Variants in MYT1L observed in about 807,000 individuals in gnomAD.
MYT1L encodes the protein myelin transcription factor 1-like protein.
MYT1L carries 12 observed loss-of-function variants against 126.7 expected under a neutral mutation model. That is an observed-to-expected ratio of 0.09 (90% CI 0.06 to 0.15). The LOEUF (loss-of-function observed/expected upper bound fraction) is 0.15. Ranked by LOEUF, MYT1L falls within the 10% of genes least tolerant of loss-of-function variation. MYT1L has a pLI of 1.00. For missense variants in MYT1L, 979 were observed against 1,585.2 expected, an observed-to-expected ratio of 0.62 and a Z score of 6.49; for synonymous variants, 541 against 604.2, an observed-to-expected ratio of 0.90 and a Z score of 1.53.
At chr2:2,065,474 T>C (rs942268561) in intron 3 of MYT1L, among the ~76,000 whole-genome samples, 1 of 152,150 alleles carries the variant, frequency 6.6e-6, no homozygotes, top group African/African-American at 2.4e-5. Flanking sequence ...TTTGATTAAA[T>C]TGATCAGCTG....
intron 3 of MYT1L, among the ~76,000 whole-genome samples, chr2:2,060,658 C>G (rs2070296873): frequency 6.7e-6 from 1 of 148,724 alleles, no homozygotes; most frequent in Admixed American, 6.7e-5. Flanking sequence ...TGTCTCTCTC[C>G]CTGTCTCCCT....
At chr2:1,934,687 CT>C (rs1194373872) in intron 9 of MYT1L, among the ~76,000 whole-genome samples, 1 of 151,094 alleles carries the variant, frequency 6.6e-6, no homozygotes, top group African/African-American at 2.5e-5. Flanking sequence ...CTCATTCTCT[CT>C]TTCTCTCTCT....
chr2:2,065,445 C>G (rs1191627844), intron 3 of MYT1L, among the ~76,000 whole-genome samples: 1 of 152,108 alleles, frequency 6.6e-6, no homozygotes. Context: ...AGAGGCAGTC[C>G]TTCCCAAAGC....
At chr2:1,937,253 C>T (rs1558462176) in intron 9 of MYT1L, among the ~76,000 whole-genome samples, 6 of 152,210 alleles carry the variant, frequency 3.9e-5, no homozygotes, top group Admixed American at 1.3e-4. Context: ...ATGCCTTGCC[C>T]AGAGCAGCTG....
chr2:2,236,047 T>G (rs1018987429), intron 2 of MYT1L, among the ~76,000 whole-genome samples: 17 of 151,940 alleles, frequency 1.1e-4, no homozygotes, highest in African/African-American at 4.1e-4. Context: ...AACAACCCAG[T>G]ACATCACAAC....
intron 2 of MYT1L, among the ~76,000 whole-genome samples, chr2:2,222,826 A>G (rs1471948079): frequency 6.6e-6 from 1 of 152,224 alleles, no homozygotes; most frequent in African/African-American, 2.4e-5. Context: ...AAGTGGCAAG[A>G]AAAAGTAAAA....
chr2:1,796,246 GACTAAGT>G (rs2033473637), intron 23 of MYT1L, among the ~76,000 whole-genome samples: 2 of 152,184 alleles, frequency 1.3e-5, no homozygotes, highest in Admixed American at 1.3e-4. Context: ...CCCTGGTCTA[GACTAAGT>G]ACCTTGATGG....
At chr2:2,275,591 T>C (rs1417336785) in intron 2 of MYT1L, among the ~76,000 whole-genome samples, 1 of 152,182 alleles carries the variant, frequency 6.6e-6, no homozygotes, top group Non-Finnish European at 1.5e-5. Context: ...TGCTGCATCC[T>C]GCCCTAAGTT....
intron 5 of MYT1L, among the ~76,000 whole-genome samples, chr2:1,986,032 T>A (rs2060991227): frequency 6.6e-6 from 1 of 152,156 alleles, no homozygotes. Context: ...AAAAGCAAGT[T>A]GTCAAAATAT....
chr2:2,026,654 A>C (rs1420635941), intron 4 of MYT1L, among the ~76,000 whole-genome samples: 1 of 152,134 alleles, frequency 6.6e-6, no homozygotes, highest in Non-Finnish European at 1.5e-5. Context: ...TCGCTGCAGG[A>C]GGGCGGGGTG....
rs750861804 is a variant in MYT1L at position 1,839,344 on chromosome 2, T to C, written c.2885A>G (p.Gln962Arg). The change falls in exon 21 of 25, where the codon CAG becomes CGG. Residue 962 changes from glutamine to arginine, a missense_variant. Coordinates refer to ENST00000647738, the MANE Select transcript of MYT1L (RefSeq NM_001303052.2). ...CGCGTACTTCCCAGTGATGTGGCCC[T>C]GGCCGTCGCACCCGGGGACCGGACA... is the stretch of plus-strand genomic sequence containing the variant. Reference protein sequence around the residue: ...IRCPVPGCDGQGHITGKYASH... With the variant: ...IRCPVPGCDGRGHITGKYASH... 2 of 1,613,106 alleles carry C rather than the reference T, an allele frequency of 1.2e-6. No individual in the cohort carries two copies. Among genetic ancestry groups the C allele is most frequent in the Non-Finnish European group, 1.7e-6 (2 of 1,179,718 alleles).
chr2:2,148,653 G>A (rs944963012), intron 3 of MYT1L, among the ~76,000 whole-genome samples: 27 of 152,138 alleles, frequency 1.8e-4, no homozygotes, highest in African/African-American at 5.6e-4. Context: ...AGGGCATGGC[G>A]TTCCTGTCTG....
At chr2:2,213,335 C>T (rs981388371) in intron 2 of MYT1L, among the ~76,000 whole-genome samples, 2 of 152,082 alleles carry the variant, frequency 1.3e-5, no homozygotes, top group East Asian at 1.9e-4. Context: ...AGCTTAGTGT[C>T]CAGGGAGACC....
At chr2:1,792,282 A>T in intron 24 of MYT1L, 39 bp downstream of exon 24, 1 of 1,566,904 alleles carries the variant, frequency 6.4e-7, no homozygotes, top group Non-Finnish European at 8.7e-7. Context: ...TGCGCTGTGG[A>T]GGACTCCACA....
At chr2:2,013,215 G>A (rs1262755119) in intron 4 of MYT1L, among the ~76,000 whole-genome samples, 2 of 152,172 alleles carry the variant, frequency 1.3e-5, no homozygotes, top group African/African-American at 4.8e-5. Flanking sequence ...AGCAACTGAA[G>A]CCTCCTGAGC....
At chr2:1,798,213 G>T (rs1177806684) in intron 23 of MYT1L, among the ~76,000 whole-genome samples, 1 of 86,316 alleles carries the variant, frequency 1.2e-5, no homozygotes, top group East Asian at 2.8e-4. Flanking sequence ...GCACAGGCGC[G>T]GCGGTCTCCC....
Position 2,301,825 on chromosome 2 carries a change from T to A in MYT1L, c.-520-17322A>T, listed in dbSNP as rs868180986. Reference sequence around the variant, plus strand: ...CTGAGCAACAGAGACCCTGTCTGTCTAAAAAAAAAAAAAAAAAAAAGAAGA... The same window carrying A: ...CTGAGCAACAGAGACCCTGTCTGTCAAAAAAAAAAAAAAAAAAAAAGAAGA... On this transcript the variant is annotated intron_variant, in intron 1 of 24. Coordinates refer to ENST00000647738, the MANE Select transcript of MYT1L (RefSeq NM_001303052.2). Among the ~76,000 whole-genome samples, 628 of 96,756 alleles carry A rather than the reference T, an allele frequency of 6.5e-3. 3 individuals carry two copies. Among genetic ancestry groups the A allele is most frequent in the African/African-American group, 0.022 (559 of 25,226 alleles). The allele number at this position is 96,756 out of a possible 152,430, so 63.5% of individuals were successfully genotyped here. A position where few individuals can be genotyped will look rare whatever the true frequency, so the allele number is the denominator to read the frequency against.
chr2:2,089,814 C>T (rs2076727884), intron 3 of MYT1L, among the ~76,000 whole-genome samples: 1 of 152,152 alleles, frequency 6.6e-6, no homozygotes, highest in Non-Finnish European at 1.5e-5. Flanking sequence ...CTCTCTATCT[C>T]CTCCTCTCCT....
At chr2:2,267,303 G>A (rs776796195) in intron 2 of MYT1L, among the ~76,000 whole-genome samples, 1 of 152,222 alleles carries the variant, frequency 6.6e-6, no homozygotes, top group Non-Finnish European at 1.5e-5. Context: ...CTCAAGCACA[G>A]GGGCCTCGCC....
Sources: allele counts gnomAD v4.1 joint callset (sites outside exome capture counted in the v4.1 genomes callset), GRCh38; gene constraint gnomAD v4.1.1; transcripts MANE v1.5; gene names NCBI Gene and HGNC (gene_info 2026-07-23, HGNC 2026-07-21).